ABCA5: variants seen among roughly 807,000 people sequenced by gnomAD.
The protein encoded by ABCA5 is ATP binding cassette subfamily A member 5, also known as cholesterol transporter ABCA5.
ABCA5 carries 163 observed loss-of-function variants against 206.0 expected under a neutral mutation model. The observed-to-expected ratio is 0.79, with a 90% confidence interval of 0.70 to 0.90. ABCA5 has a LOEUF of 0.90. Ranked by LOEUF, ABCA5 falls within the 40% of genes least tolerant of loss-of-function variation. ABCA5 has a pLI of 0.00. For missense variants in ABCA5, 1,859 were observed against 1,912.9 expected (o/e 0.97, Z 0.53); for synonymous variants, 609 against 613.8 (o/e 0.99, Z 0.11).
chr17:69,255,679 A>C, intron 30 of ABCA5, 45 bp from the exon 31 acceptor site: 1 of 1,574,712 alleles, frequency 6.4e-7, no homozygotes, highest in Non-Finnish European at 8.6e-7. Context: ...AATCATACTA[A>C]AAGTAGAAAT....
At chr17:69,266,234 G>C (rs2075206093) in intron 23 of ABCA5, among the ~76,000 whole-genome samples, 1 of 152,170 alleles carries the variant, frequency 6.6e-6, no homozygotes, top group African/African-American at 2.4e-5. Context: ...ATAGAGAACA[G>C]AGTAGTGGTT....
chr17:69,308,154 G>T, intron 5 of ABCA5, 126 bp downstream of exon 5: 1 of 427,140 alleles, frequency 2.3e-6, no homozygotes, highest in South Asian at 8.0e-5. Flanking sequence ...TTTTCTCAAA[G>T]GAGTTGTAGT....
intron 18 of ABCA5, among the ~76,000 whole-genome samples, chr17:69,280,801 G>A (rs1402586273): frequency 9.2e-5 from 14 of 151,812 alleles, no homozygotes; most frequent in African/African-American, 2.7e-4. Context: ...ACCAAACACC[G>A]CATATTCTCA....
At position 69,297,197 on chromosome 17, in the gene ABCA5, GCTT is replaced by G; in HGVS notation, c.1427_1429del (p.Glu476del). 4.3e-6 allele frequency: 7 copies of G among 1,610,868 alleles called. No homozygotes were observed. Among genetic ancestry groups the G allele is most frequent in the Non-Finnish European group, 5.9e-6 (7 of 1,179,182 alleles). On this transcript the variant is annotated inframe_deletion, in exon 10 of 39. Transcript: ENST00000392676. ...GCCAAAGATTGAACCATACCTTATGGCTTCTTTTCCTACAAATTCTGAAGAAAC... is the reference window on the plus strand; with the variant it reads ...GCCAAAGATTGAACCATACCTTATGGCTTTTCCTACAAATTCTGAAGAAAC...
intron 20 of ABCA5, 125 bp from the exon 21 acceptor site, chr17:69,271,414 A>G: frequency 9.4e-7 from 1 of 1,067,486 alleles, no homozygotes; most frequent in East Asian, 2.8e-5. Context: ...AAGTAAGTAC[A>G]TTGGCTCTGA....
At chr17:69,267,819 T>C in intron 23 of ABCA5, 124 bp downstream of exon 23, 1 of 463,984 alleles carries the variant, frequency 2.2e-6, no homozygotes. Flanking sequence ...ATAATAAATG[T>C]ATTTATATTC....
chr17:69,281,346 G>A, intron 18 of ABCA5, among the ~76,000 whole-genome samples: 1 of 151,934 alleles, frequency 6.6e-6, no homozygotes, highest in East Asian at 1.9e-4. Flanking sequence ...CAGTATATTA[G>A]TACTCAAGAT....
chr17:69,303,840 ACATACATATATATATG>A (rs1271621767), intron 7 of ABCA5, among the ~76,000 whole-genome samples: 2 of 38,080 alleles, frequency 5.3e-5, no homozygotes, highest in African/African-American at 1.9e-4. Context: ...ATATATATAT[ACATACATATATATATG>A]TATATATATA....
At chr17:69,266,402 G>T (rs1386991472) in intron 23 of ABCA5, among the ~76,000 whole-genome samples, 1 of 151,856 alleles carries the variant, frequency 6.6e-6, no homozygotes, top group Non-Finnish European at 1.5e-5. Flanking sequence ...GAGTACACAG[G>T]ATCTCTCTGT....
At position 69,290,882 on chromosome 17, in the gene ABCA5, T is replaced by TTA. The variant is rs2075518154; in HGVS notation, c.1606+332_1606+333dup. On this transcript the variant is annotated intron_variant, in intron 12 of 38. Transcript: ENST00000392676. The stretch of plus-strand genomic sequence containing the variant: ...TTGCTGTATATTTAGATATTTGTGT[T>TTA]TATTTTCTCAACCTCAAATAGTCTA... 7.9e-5 allele frequency among the ~76,000 whole-genome samples: 12 copies of TTA among 152,274 alleles called. No homozygotes were observed. In the South Asian group the frequency reaches 2.5e-3, roughly 32 times the overall value.
rs574402949 is a variant in ABCA5 at position 69,296,502 on chromosome 17, TC to T, written c.1436+688del. On this transcript the variant is annotated intron_variant, in intron 10 of 38. Coordinates refer to ENST00000392676, the MANE Select transcript of ABCA5 (RefSeq NM_172232.4). Reference sequence around the variant, plus strand: ...CTAATTATGCCTCAAACCCTAAAAATCTATGAAATTAACAGATGACAATTTA... The same window carrying T: ...CTAATTATGCCTCAAACCCTAAAAATTATGAAATTAACAGATGACAATTTA... 2.2e-3 allele frequency among the ~76,000 whole-genome samples: 336 copies of T among 152,308 alleles called. 1 individual carries two copies. Among genetic ancestry groups the T allele is most frequent in the Non-Finnish European group, 3.7e-3 (252 of 68,008 alleles).
chr17:69,308,296 T>C lies in ABCA5; in HGVS notation c.542A>G (p.Asp181Gly). ...CATATTTACCTGTATAATGGCAGCA[T>C]CTATGGATGCTTGTAAAACTGTGAA... ...SGFTVLQASI[D>G]AAIIQLKTNV... Residue 181 changes from aspartate (D) to glycine (G), a missense_variant, in exon 5 of 39, where the codon GAT (aspartate) becomes GGT (glycine). Physicochemically the swap from Asp to Gly is moderately conservative, Grantham distance 94. Transcript: ENST00000392676. 6.2e-7 allele frequency: 1 copy of C among 1,607,872 alleles called. No homozygotes were observed. Among genetic ancestry groups the C allele is most frequent in the East Asian group, 2.2e-5 (1 of 44,750 alleles).
At chr17:69,265,493 G>A (rs1203414841) in intron 23 of ABCA5, among the ~76,000 whole-genome samples, 2 of 151,990 alleles carry the variant, frequency 1.3e-5, no homozygotes, top group Non-Finnish European at 2.9e-5. Context: ...AATGATCATA[G>A]TTTTCCTATC....
In ABCA5 at chr17:69,274,071, G is replaced by C. The variant is rs369254726; in HGVS notation, c.2652C>G (p.His884Gln). 67 of 1,602,662 alleles carry C rather than the reference G, an allele frequency of 4.2e-5. No homozygotes were observed. The highest frequency in any genetic ancestry group is 5.6e-5 in the Non-Finnish European group (66 of 1,176,544). Residue 884 changes from histidine to glutamine, a missense_variant, in exon 20 of 39, where the codon CAC becomes CAG. By Grantham distance (24) the His-to-Gln change is conservative. Transcript: ENST00000392676. The part of the protein sequence containing the change: ...TVQIFMFLVH[H>Q]SFKNAVVPIK... ...TGGGAACCACAGCATTTTTAAAAGA[G>C]TGATGAACCAAAAACATAAAAATCT...
chr17:69,278,956 T>A (rs1042803847), intron 18 of ABCA5, among the ~76,000 whole-genome samples: 410 of 151,228 alleles, frequency 2.7e-3, no homozygotes, highest in Non-Finnish European at 4.5e-3. Context: ...ACTGGAAGCA[T>A]TCCCTTTGAA....
chr17:69,255,958 G>A, intron 29 of ABCA5, 108 bp from the exon 30 acceptor site: 1 of 1,098,316 alleles, frequency 9.1e-7, no homozygotes, highest in Non-Finnish European at 1.3e-6. Flanking sequence ...GCTAATAAGG[G>A]GATACTGTAC....
rs1173018255 is a variant in ABCA5, at chr17:69,261,146, A to G, written c.3543T>C (p.Gly1181=). 6.3e-7 allele frequency: 1 copy of G among 1,591,232 alleles called. No homozygotes were observed. Among genetic ancestry groups the G allele is most frequent in the South Asian group, 1.1e-5 (1 of 87,498 alleles). The change falls in exon 26 of 39, where the codon GGT becomes GGC. Residue 1181 remains glycine, a synonymous_variant. Transcript: ENST00000392676. ...CIIIPIYPLL[G]CLISFIKISW... is the part of the protein sequence containing the mutation. Reference sequence around the variant, plus strand: ...TTACCTTTATGAAAGAAATCAGGCAACCTAGAAGTGGATAGATTGGAATGA... The same window carrying G: ...TTACCTTTATGAAAGAAATCAGGCAGCCTAGAAGTGGATAGATTGGAATGA...
chr17:69,289,976 T>A lies in ABCA5; in HGVS notation c.1668A>T (p.Lys556Asn). 6.2e-7 allele frequency: 1 copy of A among 1,612,540 alleles called. No individual in the cohort carries two copies. Among genetic ancestry groups the A allele is most frequent in the East Asian group, 2.2e-5 (1 of 44,680 alleles). ...CTAACTGTGGACAAATGCCAATCAT[T>A]TTTCTTGCTTCAAACATTTCATCTA... is the stretch of plus-strand genomic sequence containing the variant. ...SEIDEMFEAR[K>N]MIGICPQLDI... is the part of the protein sequence containing the mutation. Residue 556 changes from lysine to asparagine, a missense_variant, in exon 13 of 39, where the codon AAA (lysine) becomes AAT (asparagine). By Grantham distance (94) the Lys-to-Asn change is moderately conservative. Transcript: ENST00000392676.
intron 1 of ABCA5, chr17:69,318,688 C>A: frequency 2.2e-6 from 1 of 459,322 alleles, no homozygotes; most frequent in Non-Finnish European, 3.9e-6. Context: ...TAAATTCTTC[C>A]AGCATTCCAT....
Sources: gnomAD v4.1 joint callset for allele counts (sites outside exome capture counted in the v4.1 genomes callset) on GRCh38, gnomAD v4.1.1 for gene constraint, MANE v1.5 for transcripts, NCBI Gene and HGNC (gene_info 2026-07-23, HGNC 2026-07-21) for gene names.